ZNF236: variants seen among roughly 807,000 people sequenced by gnomAD.
ZNF236 encodes the protein regulated by glucose.
A neutral mutation model predicts 191.2 loss-of-function variants in ZNF236; 50 were observed. That is an observed-to-expected ratio of 0.26 (90% CI 0.21 to 0.33). The LOEUF (loss-of-function observed/expected upper bound fraction) is 0.33, where lower values mean the gene tolerates loss of function less well. ZNF236 is among the 10% of genes least tolerant of loss of function. The pLI, the probability that ZNF236 is intolerant of heterozygous loss-of-function variation, is 1.00. For synonymous variants in ZNF236, 907 were observed against 928.8 expected, an observed-to-expected ratio of 0.98 and a Z score of 0.43; for missense variants, 1,754 against 2,374.5, an observed-to-expected ratio of 0.74 and a Z score of 5.43.
intron 3 of ZNF236, among the ~76,000 whole-genome samples, chr18:76,857,059 C>T (rs1479063000): frequency 1.3e-5 from 2 of 151,910 alleles, no homozygotes; most frequent in African/African-American, 2.4e-5. Flanking sequence ...CTAGTTCCCA[C>T]GTGGACCACT....
At chr18:76,870,812 A>C (rs1277550000) in intron 4 of ZNF236, among the ~76,000 whole-genome samples, 2 of 152,144 alleles carry the variant, frequency 1.3e-5, no homozygotes, top group African/African-American at 4.8e-5. Flanking sequence ...AGAAGCAGGA[A>C]GGTGGCTGGG....
intron 20 of ZNF236, among the ~76,000 whole-genome samples, chr18:76,921,880 T>C (rs968474480): frequency 1.3e-5 from 2 of 151,782 alleles, no homozygotes; most frequent in Admixed American, 1.3e-4. Flanking sequence ...CTATCCTTCA[T>C]TTTAAAAAAG....
Position 76,920,080 on chromosome 18 carries a change from G to A in ZNF236, c.3557+22G>A, listed in dbSNP as rs374963110. ...TGAGGTGAGGGCATGGCTACGCCGC[G>A]CGGGTTCCGCTCTGAAGACTGGAGG... On this transcript the variant is annotated intron_variant, in intron 20 of 30. Coordinates refer to ENST00000320610, the MANE Select transcript of ZNF236 (RefSeq NM_001306089.2). The A allele has an allele frequency of 1.8e-4, 282 of 1,602,298 alleles. 1 individual carries two copies. The African/African-American group carries it at 2.5e-3, about 14-fold the overall frequency.
chr18:76,968,380 AC>A lies in ZNF236; in HGVS notation c.*42del. On this transcript the variant is annotated 3_prime_UTR_variant, in exon 31 of 31. Coordinates refer to ENST00000320610, the MANE Select transcript of ZNF236 (RefSeq NM_001306089.2). ...CACCTTTAAGAATGTTTCTGAAGTT[AC>A]GTTTTGTGAAGAGCAAAGCACTTGG... 6.3e-7 allele frequency: 1 copy of A among 1,579,384 alleles called. No homozygotes were observed. The highest frequency in any genetic ancestry group is 8.5e-7 in the Non-Finnish European group (1 of 1,170,952).
chr18:76,871,661 G>A, intron 4 of ZNF236, 40 bp from the exon 5 acceptor site: 1 of 1,610,804 alleles, frequency 6.2e-7, no homozygotes, highest in South Asian at 1.1e-5. Context: ...GTACAAGGGA[G>A]ACATCTTACT....
At chr18:76,838,539 A>T (rs898519500) in intron 1 of ZNF236, among the ~76,000 whole-genome samples, 1 of 152,168 alleles carries the variant, frequency 6.6e-6, no homozygotes, top group Non-Finnish European at 1.5e-5. Flanking sequence ...GTCAAGGGTC[A>T]GGTGGTAAAT....
At chr18:76,929,595 G>A (rs528764049) in intron 25 of ZNF236, among the ~76,000 whole-genome samples, 1 of 152,168 alleles carries the variant, frequency 6.6e-6, no homozygotes, top group Non-Finnish European at 1.5e-5. Context: ...TAGTATATTT[G>A]AAAGTGTAGA....
chr18:76,889,466 T>C (rs957448019), intron 9 of ZNF236, among the ~76,000 whole-genome samples: 1 of 152,154 alleles, frequency 6.6e-6, no homozygotes, highest in African/African-American at 2.4e-5. Flanking sequence ...CATGCTGTGC[T>C]TGAAGTAGCA....
chr18:76,862,414 C>T lies in ZNF236; in HGVS notation c.364-6271C>T, dbSNP rs965004892. 4.6e-5 allele frequency among the ~76,000 whole-genome samples: 7 copies of T among 152,314 alleles called. No homozygotes were observed. In the East Asian group the frequency reaches 1.4e-3, roughly 29 times the overall value. The stretch of plus-strand genomic sequence containing the variant: ...CTTCTATCCCATTCTGCCCCCGTCC[C>T]TTGGGAGCTGGCAGCACTTCGATTT... On this transcript the variant is annotated intron_variant, in intron 3 of 30. Transcript: ENST00000320610.
At chr18:76,908,645 C>G in intron 14 of ZNF236, 72 bp downstream of exon 14, 2 of 1,523,882 alleles carry the variant, frequency 1.3e-6, no homozygotes, top group East Asian at 4.5e-5. Flanking sequence ...TCATTGCAGT[C>G]CATTGGTGTC....
chr18:76,863,060 C>G (rs151084049), intron 3 of ZNF236, among the ~76,000 whole-genome samples: 2 of 152,140 alleles, frequency 1.3e-5, no homozygotes, highest in East Asian at 3.9e-4. Flanking sequence ...CATGATTGAA[C>G]TAAAGAACTC....
chr18:76,844,708 A>G (rs1225106991), intron 1 of ZNF236, among the ~76,000 whole-genome samples: 1 of 152,224 alleles, frequency 6.6e-6, no homozygotes, highest in Non-Finnish European at 1.5e-5. Flanking sequence ...ATGGAATGCT[A>G]TAAATGCAAT....
At chr18:76,907,956 G>C (rs545482000) in intron 13 of ZNF236, among the ~76,000 whole-genome samples, 2 of 152,280 alleles carry the variant, frequency 1.3e-5, no homozygotes, top group African/African-American at 2.4e-5. Context: ...GTCTCATTTA[G>C]TACAATTATT....
intron 3 of ZNF236, 136 bp from the exon 4 acceptor site, chr18:76,868,549 G>C: frequency 1.7e-6 from 1 of 604,652 alleles, no homozygotes; most frequent in East Asian, 3.0e-5. Context: ...CCAGAGGAAA[G>C]TATTAGATCA....
Position 76,908,585 on chromosome 18 carries a change from A to G in ZNF236, c.2551+12A>G. 6.3e-7 allele frequency: 1 copy of G among 1,591,764 alleles called. No homozygotes were observed. The highest frequency in any genetic ancestry group is 8.5e-7 in the Non-Finnish European group (1 of 1,169,616). On this transcript the variant is annotated intron_variant, in intron 14 of 30. Coordinates refer to ENST00000320610, the MANE Select transcript of ZNF236 (RefSeq NM_001306089.2). The stretch of plus-strand genomic sequence containing the variant: ...GGAAGCAGATGAAGGTAAATGTTTC[A>G]GGATATTTAACTTTGAGTGATCCCA...
At position 76,823,147 on chromosome 18, in the gene ZNF236, G is replaced by A. The variant is rs533945237; in HGVS notation, c.55+485G>A. On this transcript the variant is annotated intron_variant, in intron 1 of 30. Coordinates refer to ENST00000320610, the MANE Select transcript of ZNF236 (RefSeq NM_001306089.2). ...CCCCCGCCCGACCCTGCGCGGCGCC[G>A]GCTGCCCCGGGGACGTTGGGCTCGG... Among the ~76,000 whole-genome samples the A allele has an allele frequency of 2.4e-3, 370 of 151,908 alleles. 1 individual carries two copies. The highest frequency in any genetic ancestry group is 8.3e-3 in the African/African-American group (344 of 41,528).
At chr18:76,961,015 G>T (rs143370949) in intron 30 of ZNF236, among the ~76,000 whole-genome samples, 160 bp downstream of exon 30, 1 of 152,272 alleles carries the variant, frequency 6.6e-6, no homozygotes, top group East Asian at 1.9e-4. Context: ...TTTATTTTTT[G>T]ATTTCCATAG....
rs750662577 is a variant in ZNF236 at position 76,910,617 on chromosome 18, CT to C, written c.2654-40del. ...CTTTTCTTAGAACATTTTAATGTAA[CT>C]TTAATATTTTTGTAGAACTCCTCTT... On this transcript the variant is annotated intron_variant, in intron 15 of 30. Coordinates refer to ENST00000320610, the MANE Select transcript of ZNF236 (RefSeq NM_001306089.2). 4 of 1,574,770 alleles carry C rather than the reference CT, an allele frequency of 2.5e-6. No individual in the cohort carries two copies. The South Asian group carries it at 3.4e-5, about 13-fold the overall frequency.
intron 27 of ZNF236, 105 bp downstream of exon 27, chr18:76,947,757 G>A: frequency 2.1e-6 from 3 of 1,403,418 alleles, no homozygotes; most frequent in African/African-American, 1.4e-5. Flanking sequence ...TGACCCAGGT[G>A]GCTGGGGCTG....
Sources: gnomAD v4.1 joint callset for allele counts (sites outside exome capture counted in the v4.1 genomes callset) on GRCh38, gnomAD v4.1.1 for gene constraint, MANE v1.5 for transcripts, NCBI Gene and HGNC (gene_info 2026-07-23, HGNC 2026-07-21) for gene names.